NPC1L1: variants seen among roughly 807,000 people sequenced by gnomAD.
The protein encoded by NPC1L1 is NPC1-like intracellular cholesterol transporter 1.
A neutral mutation model predicts 117.0 loss-of-function variants in NPC1L1; 98 were observed. That is an observed-to-expected ratio of 0.84 (90% CI 0.71 to 0.99). NPC1L1 has a LOEUF of 0.99. Among genes scored for constraint, NPC1L1 ranks in the 50% least tolerant of loss-of-function variants. The pLI is 0.00. For missense variants in NPC1L1, 1,540 were observed against 1,710.0 expected (o/e 0.90, Z 1.75); for synonymous variants, 729 against 727.6 (o/e 1.00, Z -0.03).
intron 10 of NPC1L1, among the ~76,000 whole-genome samples, chr7:44,529,948 C>T (rs1478322611): frequency 6.6e-6 from 1 of 151,306 alleles, no homozygotes; most frequent in Non-Finnish European, 1.5e-5. Flanking sequence ...TCAGGAGAAT[C>T]GCTTGAACCT....
In NPC1L1 at chr7:44,522,039, G is replaced by T; in HGVS notation, c.2828+13C>A. 3.1e-6 allele frequency: 5 copies of T among 1,613,312 alleles called. No individual in the cohort carries two copies. The highest frequency in any genetic ancestry group is 4.2e-6 in the Non-Finnish European group (5 of 1,179,634). On this transcript the variant is annotated intron_variant, in intron 11 of 18. Coordinates refer to ENST00000381160, the MANE Select transcript of NPC1L1 (RefSeq NM_001101648.2). ...GGGAGTAGGCTGGGGTTTGGGGCGG[G>T]CCAGGAACTCACTGCTCAGGGAACT...
At chr7:44,525,599 A>G (rs1038259308) in intron 10 of NPC1L1, among the ~76,000 whole-genome samples, 1 of 152,146 alleles carries the variant, frequency 6.6e-6, no homozygotes, top group Non-Finnish European at 1.5e-5. Flanking sequence ...CAAGCCAGGC[A>G]TGGTGGCATA....
chr7:44,514,095 C>G (rs746300437), intron 18 of NPC1L1, among the ~76,000 whole-genome samples: 1 of 152,194 alleles, frequency 6.6e-6, no homozygotes. Context: ...TGTCTCAGTT[C>G]CCTCATCTGT....
At chr7:44,533,314 GC>G in intron 8 of NPC1L1, 116 bp downstream of exon 8, 1 of 1,231,762 alleles carries the variant, frequency 8.1e-7, no homozygotes, top group Non-Finnish European at 1.2e-6. Context: ...CTGGCACAAT[GC>G]CCCTGTCCCC....
intron 14 of NPC1L1, among the ~76,000 whole-genome samples, chr7:44,518,126 G>T (rs1585128459): frequency 6.7e-6 from 1 of 148,262 alleles, no homozygotes; most frequent in Non-Finnish European, 1.5e-5. Flanking sequence ...AAAAAAAAAA[G>T]AAGAAATTAA....
At position 44,520,625 on chromosome 7, in the gene NPC1L1, C is replaced by A; in HGVS notation, c.3136+140G>T. ...TGAGATGTGGAGCTGGGAAACAAGA[C>A]CCCTGCTGACAGGGCCAGCGCAGTG... On this transcript the variant is annotated intron_variant, in intron 14 of 18. Transcript: ENST00000381160. 9 of 781,796 alleles carry A rather than the reference C, an allele frequency of 1.2e-5. No homozygotes were observed. The South Asian group carries it at 1.2e-4, about 11-fold the overall frequency. The allele number at this position is 781,796 out of a possible 1,614,324, so 48.4% of individuals were successfully genotyped here. A position where few individuals can be genotyped will look rare whatever the true frequency, so the allele number is the denominator to read the frequency against.
chr7:44,520,611 G>C (rs527924891), intron 14 of NPC1L1, among the ~76,000 whole-genome samples, 154 bp downstream of exon 14: 1 of 152,182 alleles, frequency 6.6e-6, no homozygotes, highest in African/African-American at 2.4e-5. Flanking sequence ...GAGATGTGGA[G>C]CTGGGAAACA....
In NPC1L1 at chr7:44,538,586, A is replaced by T. The variant is rs925899944; in HGVS notation, c.1580+231T>A. Among the ~76,000 whole-genome samples, 3 of 152,258 alleles carry T rather than the reference A, an allele frequency of 2.0e-5. No individual in the cohort carries two copies. Among genetic ancestry groups the T allele is most frequent in the African/African-American group, 7.2e-5 (3 of 41,476 alleles). On this transcript the variant is annotated intron_variant, in intron 2 of 18. Coordinates refer to ENST00000381160, the MANE Select transcript of NPC1L1 (RefSeq NM_001101648.2). The surrounding 1 kb of genome is among the most constrained non-coding windows in gnomAD (Gnocchi z 5.9). The stretch of plus-strand genomic sequence containing the variant: ...AGAGTGGACTCGGGGTTGAAGGGCC[A>T]GCGATGGCCACGCACAAACCTGCAG...
In NPC1L1 at chr7:44,532,232, ACC is replaced by A. The variant is rs1563207874; in HGVS notation, c.2410-17_2410-16del. On this transcript the variant is annotated splice_polypyrimidine_tract_variant and intron_variant, in intron 8 of 18. Coordinates refer to ENST00000381160, the MANE Select transcript of NPC1L1 (RefSeq NM_001101648.2). ...AACCGGGAGGCCTGGAGTGGGAGGC[ACC>A]CCCTCAAGGTAGTCCCAGAGCAGAC... The A allele has an allele frequency of 1.9e-6, 3 of 1,612,624 alleles. No individual in the cohort carries two copies. The South Asian group carries it at 3.3e-5, about 18-fold the overall frequency.
rs757851151 is a variant in NPC1L1 at position 44,534,573 on chromosome 7, G to C, written c.2040C>G (p.Val680=). The part of the protein sequence containing the change: ...LGGVAVVLGA[V]MAAMGFFSYL... ...AGGAGAAGAAGCCCATGGCAGCCAT[G>C]ACTGCTCCCAGGACCACGGCCACCC... The change falls in exon 6 of 19, where the codon GTC becomes GTG. Residue 680 remains valine, a synonymous_variant. Coordinates refer to ENST00000381160, the MANE Select transcript of NPC1L1 (RefSeq NM_001101648.2). This position sits in a 1 kb window ranked among gnomAD's most constrained non-coding sequence, Gnocchi z 5.2. The C allele has an allele frequency of 1.9e-6, 3 of 1,614,178 alleles. No individual in the cohort carries two copies. In the East Asian group the frequency reaches 6.7e-5, roughly 36 times the overall value.
Position 44,513,382 on chromosome 7 carries a change from A to T in NPC1L1, c.*65T>A. The T allele has an allele frequency of 6.7e-7, 1 of 1,496,438 alleles. No homozygotes were observed. The highest frequency in any genetic ancestry group is 9.3e-7 in the Non-Finnish European group (1 of 1,074,252). 92.7% of individuals were successfully genotyped at this position (1,496,438 alleles called of 1,614,324 possible). The stretch of plus-strand genomic sequence containing the variant: ...GGAGGGCGTGTGTCAAGGGGCAGTC[A>T]CAAGGAAGATCCCCATAACCCTTTG... On this transcript the variant is annotated 3_prime_UTR_variant, in exon 19 of 19. Coordinates refer to ENST00000381160, the MANE Select transcript of NPC1L1 (RefSeq NM_001101648.2).
Position 44,534,409 on chromosome 7 carries a change from T to C in NPC1L1, c.2166+38A>G, listed in dbSNP as rs371839847. 1.8e-4 allele frequency: 292 copies of C among 1,607,692 alleles called. No individual in the cohort carries two copies. In the Middle Eastern group the frequency reaches 4.3e-3, roughly 24 times the overall value. On this transcript the variant is annotated intron_variant, in intron 6 of 18. Transcript: ENST00000381160. This position sits in a 1 kb window ranked among gnomAD's most constrained non-coding sequence, Gnocchi z 5.2. ...CCAGGAGGTGAGGTTGGGAGAAGAG[T>C]GGGCAGTTGGGGGTGTGGAGAGCTC...
At chr7:44,525,011 A>T (rs951329060) in intron 10 of NPC1L1, among the ~76,000 whole-genome samples, 3 of 152,124 alleles carry the variant, frequency 2.0e-5, no homozygotes, top group Non-Finnish European at 4.4e-5. Context: ...AGTCTGAAGA[A>T]GAGAAAGGAA....
rs1211668401 is a variant in NPC1L1, at chr7:44,516,817, C to G, written c.3405G>C (p.Leu1135=). The G allele has an allele frequency of 6.2e-7, 1 of 1,614,014 alleles. No individual in the cohort carries two copies. Among genetic ancestry groups the G allele is most frequent in the Non-Finnish European group, 8.5e-7 (1 of 1,180,034 alleles). ...AVSCLLLGLD[L]RSGLLNLLSI... ...AGAGCAGGTTGAGGAGGCCGGAGCG[C>G]AGGTCCAGGCCCAGCAGGAGGCAGG... Residue 1135 remains leucine, a synonymous_variant, in exon 16 of 19, where the codon CTG becomes CTC. Transcript: ENST00000381160.
chr7:44,538,938 T>C lies in NPC1L1; in HGVS notation c.1459A>G (p.Ile487Val). The change falls in exon 2 of 19, where the codon ATC (isoleucine) becomes GTC (valine). Residue 487 changes from isoleucine (I) to valine (V), a missense_variant. By Grantham distance (29) the Ile-to-Val change is conservative (BLOSUM62 3). Transcript: ENST00000381160. This position sits in a 1 kb window ranked among gnomAD's most constrained non-coding sequence, Gnocchi z 5.9. ...PDNTSLYDCC[I>V]NSLLQYFQNN... ...TGGAAATACTGCAGGAGGCTGTTGA[T>C]GCAGCAGTCGTAGAGACTGGTATTG... 1 of 1,614,186 alleles carries C rather than the reference T, an allele frequency of 6.2e-7. No individual in the cohort carries two copies. The highest frequency in any genetic ancestry group is 8.5e-7 in the Non-Finnish European group (1 of 1,180,020).
chr7:44,529,208 C>T (rs912595380), intron 10 of NPC1L1, among the ~76,000 whole-genome samples: 2 of 150,378 alleles, frequency 1.3e-5, no homozygotes, highest in African/African-American at 4.9e-5. Flanking sequence ...TAGGCAGCCC[C>T]CATCTGCTAA....
At chr7:44,519,730 C>A (rs1176907180) in intron 14 of NPC1L1, among the ~76,000 whole-genome samples, 1 of 152,150 alleles carries the variant, frequency 6.6e-6, no homozygotes. Context: ...TCTTGTTCTG[C>A]CATCTGCTGT....
intron 10 of NPC1L1, among the ~76,000 whole-genome samples, chr7:44,526,704 C>T (rs1333881436): frequency 6.6e-6 from 1 of 151,902 alleles, no homozygotes; most frequent in Non-Finnish European, 1.5e-5. Flanking sequence ...GTGAGACCCC[C>T]ATCTCAAAAA....
chr7:44,515,569 G>T (rs1801157852), intron 18 of NPC1L1, among the ~76,000 whole-genome samples: 2 of 152,154 alleles, frequency 1.3e-5, no homozygotes, highest in Admixed American at 1.3e-4. Flanking sequence ...ACAGTGTACA[G>T]GGCCACAGAA....
Sources: allele counts gnomAD v4.1 joint callset (sites outside exome capture counted in the v4.1 genomes callset), GRCh38; gene constraint gnomAD v4.1.1; non-coding constraint Gnocchi (gnomAD v3.1); transcripts MANE v1.5; gene names NCBI Gene and HGNC (gene_info 2026-07-23, HGNC 2026-07-21).